RUNX1: variants seen among roughly 807,000 people sequenced by gnomAD.
The protein encoded by RUNX1 is RUNX family transcription factor 1.
In RUNX1, 19 loss-of-function variants were observed where a neutral mutation model predicts 42.8. That is an observed-to-expected ratio of 0.44 (90% CI 0.31 to 0.65). RUNX1 has a LOEUF of 0.65. Among genes scored for constraint, RUNX1 ranks in the 30% least tolerant of loss-of-function variants. The probability of loss-of-function intolerance (pLI) is 0.07; values close to 1 mark genes in which losing one functional copy is unlikely to be tolerated. For missense variants in RUNX1, 528 were observed against 672.0 expected (o/e 0.79, Z 2.37); for synonymous variants, 271 against 289.4 (o/e 0.94, Z 0.64).
intron 6 of RUNX1, among the ~76,000 whole-genome samples, chr21:34,850,500 G>A (rs1032742555): frequency 3.3e-5 from 5 of 152,160 alleles, no homozygotes; most frequent in Admixed American, 2.0e-4. Context: ...TACATTACAC[G>A]TCACGTTTCT....
chr21:34,843,221 T>G lies in RUNX1; in HGVS notation c.614-8620A>C, dbSNP rs2057267306. ...ACAGACACCTGGACACACACACAGA[T>G]ATAAAACACACATGGGGATACACAC... On this transcript the variant is annotated intron_variant, in intron 6 of 8. Coordinates refer to ENST00000675419, the MANE Select transcript of RUNX1 (RefSeq NM_001754.5). The surrounding 1 kb of genome is among the most constrained non-coding windows in gnomAD (Gnocchi z 4.8). Among the ~76,000 whole-genome samples the G allele has an allele frequency of 6.6e-6, 1 of 151,106 alleles. No individual in the cohort carries two copies. Among genetic ancestry groups the G allele is most frequent in the African/African-American group, 2.4e-5 (1 of 40,968 alleles).
At chr21:34,993,878 T>C (rs2058973160) in intron 2 of RUNX1, among the ~76,000 whole-genome samples, 3 of 152,114 alleles carry the variant, frequency 2.0e-5, no homozygotes, top group African/African-American at 7.2e-5. Flanking sequence ...GAATGTGACA[T>C]GAATGACCTG....
At chr21:34,968,658 C>T (rs1314178519) in intron 2 of RUNX1, among the ~76,000 whole-genome samples, 1 of 151,734 alleles carries the variant, frequency 6.6e-6, no homozygotes, top group Admixed American at 6.6e-5. Flanking sequence ...TGCCAGGCAC[C>T]CCCTCCCCAA....
chr21:35,010,061 C>T (rs1006666552), intron 2 of RUNX1, among the ~76,000 whole-genome samples: 1 of 152,040 alleles, frequency 6.6e-6, no homozygotes, highest in Non-Finnish European at 1.5e-5. Flanking sequence ...GTAATGAGGG[C>T]CTAGGTTAGA....
chr21:34,991,544 CGATGATGATGAT>C (rs10578831), intron 2 of RUNX1, among the ~76,000 whole-genome samples: 5 of 150,990 alleles, frequency 3.3e-5, no homozygotes, highest in East Asian at 2.0e-4. Context: ...GCAGGGATTA[CGATGATGATGAT>C]GATGATGATG....
chr21:34,965,547 T>C (rs1241072546), intron 2 of RUNX1, among the ~76,000 whole-genome samples: 1 of 152,146 alleles, frequency 6.6e-6, no homozygotes, highest in Non-Finnish European at 1.5e-5. Flanking sequence ...GAAAAAAAGC[T>C]TTTCCCATTC....
Position 34,886,938 on chromosome 21 carries a change from G to C in RUNX1, c.256C>G (p.Pro86Ala), listed in dbSNP as rs56020428. ...CTGTCGGTGCGCACCAGCTCGCCCG[G>C]GTGGTCGGCCAGCACCTCCACCATG... The part of the protein sequence containing the change: ...RSMVEVLADH[P>A]GELVRTDSPN... Residue 86 changes from proline (P) to alanine (A), a missense_variant, in exon 4 of 9, where the codon CCG becomes GCG. Pro to Ala is a conservative substitution (Grantham distance 27). Transcript: ENST00000675419. 1 of 1,612,962 alleles carries C rather than the reference G, an allele frequency of 6.2e-7. No homozygotes were observed. The highest frequency in any genetic ancestry group is 1.3e-5 in the African/African-American group (1 of 74,918).
At chr21:34,849,481 T>G (rs1433914706) in intron 6 of RUNX1, among the ~76,000 whole-genome samples, 11 of 97,416 alleles carry the variant, frequency 1.1e-4, no homozygotes, top group East Asian at 5.2e-4. Context: ...ATAATATATA[T>G]TATATATATA....
intron 2 of RUNX1, among the ~76,000 whole-genome samples, chr21:35,018,857 C>T (rs148131146): frequency 3.2e-4 from 48 of 152,286 alleles, no homozygotes; most frequent in African/African-American, 1.1e-3. Context: ...TGCAGTGAAC[C>T]TGCATGAGAT....
intron 4 of RUNX1, among the ~76,000 whole-genome samples, chr21:34,882,745 A>G (rs1477494914): frequency 7.9e-6 from 1 of 127,066 alleles, no homozygotes; most frequent in East Asian, 2.3e-4. Flanking sequence ...TGCTCTTTTT[A>G]GTCTCTCACA....
At chr21:34,851,379 T>C (rs1367670200) in intron 6 of RUNX1, among the ~76,000 whole-genome samples, 3 of 152,234 alleles carry the variant, frequency 2.0e-5, no homozygotes, top group Non-Finnish European at 2.9e-5. Context: ...GTTACCCTTT[T>C]TGCATGAGAA....
intron 2 of RUNX1, chr21:35,038,572 CCTCTCTCTCTCTCTCT>C (rs59976658): frequency 0.02 from 6,730 of 329,232 alleles, 38 homozygotes; most frequent in Non-Finnish European, 0.028. Context: ...TGAATGCTGG[CCTCTCTCTCTCTCTCT>C]CTCTCTCTCT....
At chr21:35,008,388 C>T (rs1916302906) in intron 2 of RUNX1, among the ~76,000 whole-genome samples, 1 of 152,168 alleles carries the variant, frequency 6.6e-6, no homozygotes, top group African/African-American at 2.4e-5. Flanking sequence ...CATCAACTTC[C>T]AGCCACCATT....
intron 2 of RUNX1, among the ~76,000 whole-genome samples, chr21:34,966,199 G>C (rs1383824945): frequency 6.6e-6 from 1 of 152,234 alleles, no homozygotes; most frequent in African/African-American, 2.4e-5. Flanking sequence ...AGGCAAGAAA[G>C]TAGTGGAGCT....
At chr21:34,831,729 T>C (rs1457366434) in intron 7 of RUNX1, among the ~76,000 whole-genome samples, 3 of 152,138 alleles carry the variant, frequency 2.0e-5, no homozygotes, top group Admixed American at 6.5e-5. Flanking sequence ...AAATATAACA[T>C]AGAAATTTCA....
intron 2 of RUNX1, among the ~76,000 whole-genome samples, chr21:34,896,365 G>C (rs1397785620): frequency 6.6e-6 from 1 of 152,160 alleles, no homozygotes; most frequent in African/African-American, 2.4e-5. Flanking sequence ...GGAAAAGAAA[G>C]AGGAGAGAAT....
At chr21:34,935,538 G>A (rs1225396117) in intron 2 of RUNX1, among the ~76,000 whole-genome samples, 1 of 152,006 alleles carries the variant, frequency 6.6e-6, no homozygotes, top group Non-Finnish European at 1.5e-5. Context: ...TGCTGTGAAT[G>A]ACAATAATAG....
chr21:34,937,449 C>T (rs1432804959), intron 2 of RUNX1, among the ~76,000 whole-genome samples: 2 of 151,574 alleles, frequency 1.3e-5, no homozygotes, highest in Non-Finnish European at 2.9e-5. Context: ...TCTTTTATTC[C>T]TCAGTATATA....
intron 6 of RUNX1, among the ~76,000 whole-genome samples, 176 bp from the exon 7 acceptor site, chr21:34,834,777 C>T (rs1463171051): frequency 2.6e-5 from 4 of 152,246 alleles, no homozygotes; most frequent in East Asian, 1.9e-4. Flanking sequence ...GGGCCACTGT[C>T]CTCTCAGCAG....
Sources: allele counts gnomAD v4.1 joint callset (sites outside exome capture counted in the v4.1 genomes callset), GRCh38; gene constraint gnomAD v4.1.1; non-coding constraint Gnocchi (gnomAD v3.1); transcripts MANE v1.5; gene names NCBI Gene and HGNC (gene_info 2026-07-23, HGNC 2026-07-21).